The following SUGCT variants were observed in gnomAD, a reference collection of about 807,000 sequenced individuals.
SUGCT encodes the protein succinyl-CoA:glutarate CoA-transferase.
SUGCT carries 41 observed loss-of-function variants against 55.0 expected under a neutral mutation model. That is an observed-to-expected ratio of 0.74 (90% CI 0.58 to 0.97). The LOEUF (loss-of-function observed/expected upper bound fraction) is 0.97. Ranked by LOEUF, SUGCT falls within the 50% of genes least tolerant of loss-of-function variation. The pLI is 0.00. For synonymous variants in SUGCT, 187 were observed against 200.4 expected (o/e 0.93, Z 0.56); for missense variants, 568 against 547.8 (o/e 1.04, Z -0.37).
chr7:40,712,459 T>C (rs1220269628), intron 12 of SUGCT, among the ~76,000 whole-genome samples: 1 of 152,244 alleles, frequency 6.6e-6, no homozygotes, highest in Non-Finnish European at 1.5e-5. Flanking sequence ...TAATTTGTTA[T>C]GGGATGTTGT....
At chr7:40,234,268 T>C (rs1425190233) in intron 6 of SUGCT, among the ~76,000 whole-genome samples, 1 of 152,220 alleles carries the variant, frequency 6.6e-6, no homozygotes, top group Non-Finnish European at 1.5e-5. Context: ...TGGTTCACAG[T>C]GCACAGGCCT....
At chr7:40,885,694 C>CAAA in the SUGCT span, among the ~76,000 whole-genome samples, 1 of 152,140 alleles carries the variant, frequency 6.6e-6, no homozygotes, top group African/African-American at 2.4e-5. Flanking sequence ...CTTTTGATGA[C>CAAA]CCCTGACGTC....
chr7:40,670,553 A>C (rs1159769213), intron 12 of SUGCT, among the ~76,000 whole-genome samples: 2 of 152,082 alleles, frequency 1.3e-5, no homozygotes, highest in Non-Finnish European at 2.9e-5. Flanking sequence ...ACATTAAAAA[A>C]ATTTTTTTTA....
At chr7:40,366,546 A>G (rs550100213) in intron 9 of SUGCT, among the ~76,000 whole-genome samples, 1 of 151,656 alleles carries the variant, frequency 6.6e-6, no homozygotes, top group African/African-American at 2.4e-5. Flanking sequence ...AGAATCTACA[A>G]TAAAATCAAA....
chr7:40,831,753 A>G (rs1351203062), intron 13 of SUGCT, among the ~76,000 whole-genome samples: 1 of 152,152 alleles, frequency 6.6e-6, no homozygotes, highest in Non-Finnish European at 1.5e-5. Context: ...TCTAGATCCT[A>G]TCTCTGTGTG....
chr7:40,245,667 T>G (rs2150909747), intron 7 of SUGCT, among the ~76,000 whole-genome samples: 1 of 150,568 alleles, frequency 6.6e-6, no homozygotes, highest in Middle Eastern at 3.4e-3. Context: ...CTCGATCTCC[T>G]GACCTCGTGA....
At chr7:40,457,769 C>A (rs2151442581) in intron 10 of SUGCT, among the ~76,000 whole-genome samples, 1 of 152,162 alleles carries the variant, frequency 6.6e-6, no homozygotes, top group East Asian at 1.9e-4. Context: ...AGTGTGGTCA[C>A]TGTGTAATTT....
the SUGCT span, among the ~76,000 whole-genome samples, chr7:40,989,668 G>T: frequency 6.6e-6 from 1 of 152,080 alleles, no homozygotes; most frequent in African/African-American, 2.4e-5. Context: ...CTACTCCGGA[G>T]GCTGAGGCAG....
intron 9 of SUGCT, among the ~76,000 whole-genome samples, chr7:40,440,845 C>A (rs188743461): frequency 6.6e-6 from 1 of 151,878 alleles, no homozygotes; most frequent in East Asian, 1.9e-4. Context: ...GTAGTCCCAG[C>A]GACTCAGGAG....
At chr7:40,532,526 CTGTGTGTGTGTGTGTGTGTGTGTGTG>C (rs3048827) in intron 12 of SUGCT, among the ~76,000 whole-genome samples, 4 of 134,082 alleles carry the variant, frequency 3.0e-5, no homozygotes, top group Non-Finnish European at 6.5e-5. Flanking sequence ...GCAAGTATGT[CTGTGTGTGTGTGTGTGTGTGTGTGTG>C]TGTGTGTGTG....
the SUGCT span, among the ~76,000 whole-genome samples, chr7:40,888,352 G>A: frequency 4.6e-5 from 7 of 151,830 alleles, no homozygotes; most frequent in South Asian, 2.1e-4. Flanking sequence ...TAGGGAGGCC[G>A]AGGCAGAAGA....
the SUGCT span, among the ~76,000 whole-genome samples, chr7:40,897,090 A>G: frequency 1.3e-5 from 2 of 152,244 alleles, no homozygotes; most frequent in Non-Finnish European, 2.9e-5. Context: ...AAAGGTGCCA[A>G]GAACACACAA....
chr7:40,854,464 C>CTTTCTTTCTTTCTTTCT (rs1563050828), intron 13 of SUGCT, among the ~76,000 whole-genome samples: 3 of 137,650 alleles, frequency 2.2e-5, no homozygotes, highest in Non-Finnish European at 4.7e-5. Flanking sequence ...TTCTTTCTTT[C>CTTTCTTTCTTTCTTTCT]TTTCTTTCTT....
chr7:40,904,806 G>A, the SUGCT span, among the ~76,000 whole-genome samples: 3 of 152,156 alleles, frequency 2.0e-5, no homozygotes, highest in African/African-American at 7.2e-5. Flanking sequence ...ATATGTATAT[G>A]TATATATGTG....
At chr7:40,779,186 CA>C (rs1197666544) in intron 13 of SUGCT, among the ~76,000 whole-genome samples, 1 of 152,162 alleles carries the variant, frequency 6.6e-6, no homozygotes, top group Admixed American at 6.5e-5. Flanking sequence ...CAACTCCCCT[CA>C]ATGACCTCTA....
At chr7:40,830,375 C>T (rs1263114069) in intron 13 of SUGCT, among the ~76,000 whole-genome samples, 2 of 152,144 alleles carry the variant, frequency 1.3e-5, no homozygotes, top group East Asian at 3.9e-4. Flanking sequence ...GTCCATGCCC[C>T]GTGCCCATAC....
In SUGCT at chr7:40,646,326, T is replaced by C. The variant is rs115670025; in HGVS notation, c.1090-103108T>C. On this transcript the variant is annotated intron_variant, in intron 12 of 13. Transcript: ENST00000335693. Reference sequence around the variant, plus strand: ...ACCCTTTTCTATCTATTATCTATTTTCTATCTGTTTTTCAGAAAGCAGCCA... The same window carrying C: ...ACCCTTTTCTATCTATTATCTATTTCCTATCTGTTTTTCAGAAAGCAGCCA... Among the ~76,000 whole-genome samples, 477 of 152,354 alleles carry C rather than the reference T, an allele frequency of 3.1e-3. 1 individual carries two copies. Among genetic ancestry groups the C allele is most frequent in the African/African-American group, 0.01 (433 of 41,594 alleles).
chr7:40,485,393 G>GGT (rs1262902875), intron 11 of SUGCT, among the ~76,000 whole-genome samples: 1 of 146,968 alleles, frequency 6.8e-6, no homozygotes, highest in African/African-American at 2.5e-5. Context: ...AGATAATATA[G>GGT]GTATATATAT....
chr7:40,540,015 C>G (rs900431090), intron 12 of SUGCT, among the ~76,000 whole-genome samples: 1 of 152,158 alleles, frequency 6.6e-6, no homozygotes, highest in Non-Finnish European at 1.5e-5. Context: ...AAGAGACTTG[C>G]TTGAACTCAC....
Sources: gnomAD v4.1 joint callset for allele counts (sites outside exome capture counted in the v4.1 genomes callset) on GRCh38, gnomAD v4.1.1 for gene constraint, MANE v1.5 for transcripts, NCBI Gene and HGNC (gene_info 2026-07-23, HGNC 2026-07-21) for gene names.